The following CSMD1 variants were observed in gnomAD, a reference collection of about 807,000 sequenced individuals.
CSMD1 encodes CUB and sushi domain-containing protein 1.
Under a neutral mutation model 417.5 loss-of-function variants are expected in CSMD1, and 213 were observed. The ratio of observed to expected loss-of-function variants is 0.51; its 90% CI spans 0.46 to 0.57. CSMD1 has a LOEUF of 0.57. Ranked by LOEUF, CSMD1 falls within the 20% of genes least tolerant of loss-of-function variation. The pLI, the probability that CSMD1 is intolerant of heterozygous loss-of-function variation, is 0.00. For synonymous variants in CSMD1, 2,862 were observed against 1,736.8 expected (o/e 1.65, Z -16.11); for missense variants, 6,923 against 4,529.7 (o/e 1.53, Z -15.17).
chr8:4,746,973 C>A (rs1288242464), intron 1 of CSMD1, among the ~76,000 whole-genome samples: 1 of 152,108 alleles, frequency 6.6e-6, no homozygotes, highest in African/African-American at 2.4e-5. Context: ...GAGGGAAGAA[C>A]AGGAATAATT....
chr8:3,927,083 A>G (rs371423136), intron 5 of CSMD1, among the ~76,000 whole-genome samples: 3 of 152,026 alleles, frequency 2.0e-5, no homozygotes, highest in South Asian at 2.1e-4. Flanking sequence ...ATTTATTGTA[A>G]TTATCTTTAG....
At chr8:4,162,387 T>A (rs55777337) in intron 3 of CSMD1, among the ~76,000 whole-genome samples, 1 of 151,926 alleles carries the variant, frequency 6.6e-6, no homozygotes, top group Non-Finnish European at 1.5e-5. Context: ...TTTGGTTTTA[T>A]CTTGACAGTA....
chr8:3,937,024 G>C (rs1049753001), intron 5 of CSMD1, among the ~76,000 whole-genome samples: 1 of 152,260 alleles, frequency 6.6e-6, no homozygotes, highest in East Asian at 1.9e-4. Context: ...GGTTTCAGTG[G>C]AGGAAGTAAC....
chr8:4,148,692 G>A (rs1161547957), intron 3 of CSMD1, among the ~76,000 whole-genome samples: 2 of 151,966 alleles, frequency 1.3e-5, no homozygotes, highest in African/African-American at 2.4e-5. Context: ...TTCTAGTAAG[G>A]GCACTCAGCC....
At chr8:2,992,562 T>G (rs1277372931) in intron 54 of CSMD1, among the ~76,000 whole-genome samples, 2 of 151,914 alleles carry the variant, frequency 1.3e-5, no homozygotes, top group African/African-American at 4.8e-5. Context: ...TAGCTGGGAT[T>G]ACAGGTGTGC....
At chr8:3,792,523 T>C (rs1016506620) in intron 5 of CSMD1, among the ~76,000 whole-genome samples, 4 of 152,166 alleles carry the variant, frequency 2.6e-5, no homozygotes, top group Admixed American at 2.6e-4. Flanking sequence ...GTCAATTATC[T>C]CACAATTGAT....
intron 5 of CSMD1, among the ~76,000 whole-genome samples, chr8:3,804,972 T>C (rs894265519): frequency 2.6e-5 from 4 of 152,166 alleles, no homozygotes; most frequent in Non-Finnish European, 5.9e-5. Context: ...AGAGAAGCAA[T>C]TGTTCGTTCC....
chr8:4,480,695 C>T (rs1198438565), intron 2 of CSMD1, among the ~76,000 whole-genome samples: 1 of 152,202 alleles, frequency 6.6e-6, no homozygotes, highest in Non-Finnish European at 1.5e-5. Flanking sequence ...GCTGTGTATC[C>T]ATCTCTTTCT....
At chr8:3,151,795 C>T (rs1006995324) in intron 39 of CSMD1, among the ~76,000 whole-genome samples, 3 of 152,132 alleles carry the variant, frequency 2.0e-5, no homozygotes, top group Non-Finnish European at 2.9e-5. Context: ...GTAATGTTTG[C>T]GTCACAGTCA....
At chr8:4,459,885 A>T (rs1799704469) in intron 2 of CSMD1, among the ~76,000 whole-genome samples, 1 of 152,182 alleles carries the variant, frequency 6.6e-6, no homozygotes, top group Non-Finnish European at 1.5e-5. Context: ...ATAAAACAGA[A>T]CCTGACAAAA....
At chr8:4,082,859 G>A (rs949074726) in intron 3 of CSMD1, among the ~76,000 whole-genome samples, 12 of 146,382 alleles carry the variant, frequency 8.2e-5, no homozygotes, top group South Asian at 4.3e-4. Context: ...GTGGGAACAT[G>A]CGGTGTTTGG....
chr8:4,751,125 C>G (rs184282746), intron 1 of CSMD1, among the ~76,000 whole-genome samples: 151 of 152,334 alleles, frequency 9.9e-4, no homozygotes, highest in Admixed American at 1.5e-3. Context: ...TGGCTCAGGC[C>G]TGTAATCCCA....
intron 1 of CSMD1, among the ~76,000 whole-genome samples, chr8:4,835,009 G>GA (rs55647107): frequency 6.6e-5 from 5 of 76,082 alleles, no homozygotes; most frequent in Non-Finnish European, 1.2e-4. Flanking sequence ...AAGAAAGAAA[G>GA]AAAAAAAAAT....
At chr8:4,309,006 AAATGC>A (rs1199607624) in intron 3 of CSMD1, among the ~76,000 whole-genome samples, 1 of 152,196 alleles carries the variant, frequency 6.6e-6, no homozygotes, top group African/African-American at 2.4e-5. Context: ...CTAGGTGAGA[AAATGC>A]ATAACAGCAA....
chr8:4,980,000 G>A (rs1810792510), intron 1 of CSMD1, among the ~76,000 whole-genome samples: 1 of 152,230 alleles, frequency 6.6e-6, no homozygotes, highest in East Asian at 1.9e-4. Flanking sequence ...ATAGTGCACT[G>A]CACTCCAGCC....
intron 27 of CSMD1, among the ~76,000 whole-genome samples, chr8:3,227,398 A>AAAAAC (rs1055157802): frequency 5.9e-5 from 9 of 152,208 alleles, no homozygotes; most frequent in Non-Finnish European, 1.3e-4. Flanking sequence ...ACTCTACCTC[A>AAAAAC]AAAACAAAAC....
chr8:4,619,145 G>C (rs1188413745), intron 2 of CSMD1, among the ~76,000 whole-genome samples: 1 of 152,102 alleles, frequency 6.6e-6, no homozygotes, highest in Non-Finnish European at 1.5e-5. Flanking sequence ...TAACTCATGA[G>C]AAAGAAATGA....
At chr8:4,568,494 C>T (rs1045567995) in intron 2 of CSMD1, among the ~76,000 whole-genome samples, 37 of 152,196 alleles carry the variant, frequency 2.4e-4, no homozygotes, top group African/African-American at 8.7e-4. Context: ...TGTATATATG[C>T]CACATTTTCT....
chr8:4,906,775 G>T (rs902596614), intron 1 of CSMD1, among the ~76,000 whole-genome samples: 1 of 152,134 alleles, frequency 6.6e-6, no homozygotes, highest in African/African-American at 2.4e-5. Context: ...GGCCAGGTTG[G>T]TCTCCAACTC....
Sources: gnomAD v4.1 joint callset for allele counts (sites outside exome capture counted in the v4.1 genomes callset) on GRCh38, gnomAD v4.1.1 for gene constraint, MANE v1.5 for transcripts, NCBI Gene and HGNC (gene_info 2026-07-23, HGNC 2026-07-21) for gene names.